Variants in TFCP2L1 observed in about 807,000 individuals in gnomAD.
TFCP2L1 encodes transcription factor CP2-like protein 1.
Under a neutral mutation model 72.2 loss-of-function variants are expected in TFCP2L1, and 12 were observed. The ratio of observed to expected loss-of-function variants is 0.17; its 90% CI spans 0.11 to 0.27. The LOEUF is 0.27. TFCP2L1 is among the 10% of genes least tolerant of loss of function. TFCP2L1 has a pLI of 1.00. For missense variants in TFCP2L1, 488 were observed against 624.6 expected (o/e 0.78, Z 2.33); for synonymous variants, 260 against 251.0 (o/e 1.04, Z -0.34).
At chr2:121,276,148 T>C (rs780386009) in intron 2 of TFCP2L1, among the ~76,000 whole-genome samples, 77 of 152,272 alleles carry the variant, frequency 5.1e-4, no homozygotes, top group Admixed American at 2.9e-3. Flanking sequence ...ACATGTGCCA[T>C]GGTGGTTTGC....
At chr2:121,230,257 T>C (rs12999822) in intron 13 of TFCP2L1, among the ~76,000 whole-genome samples, 100,567 of 151,948 alleles carry the variant, frequency 0.66, 33,759 homozygotes, top group East Asian at 0.74. Flanking sequence ...CTGCAACCTC[T>C]GCCTCCCAGG....
Position 121,246,890 on chromosome 2 carries a change from C to A in TFCP2L1, c.585G>T (p.Thr195=). 1.2e-6 allele frequency: 2 copies of A among 1,614,170 alleles called. No homozygotes were observed. The highest frequency in any genetic ancestry group is 1.7e-6 in the Non-Finnish European group (2 of 1,180,018). ...ACTCCCCATTCTCGTTCTGCTTAAA[C>A]GTGTCAATCTGGACTCGAAAGGGCA... The part of the protein sequence containing the change: ...KGVPFRVQID[T]FKQNENGEYT... The change falls in exon 6 of 15, where the codon ACG becomes ACT. Residue 195 remains threonine, a synonymous_variant. Transcript: ENST00000263707.
At chr2:121,233,420 C>T (rs1404836838) in intron 12 of TFCP2L1, among the ~76,000 whole-genome samples, 3 of 152,280 alleles carry the variant, frequency 2.0e-5, no homozygotes, top group African/African-American at 7.2e-5. Context: ...CCGCCTTGGC[C>T]TCCCAAAGTG....
intron 2 of TFCP2L1, among the ~76,000 whole-genome samples, chr2:121,271,741 C>T (rs1029274689): frequency 4.6e-5 from 7 of 152,166 alleles, no homozygotes; most frequent in African/African-American, 1.2e-4. Flanking sequence ...TGAGGAAACT[C>T]GGGCTCCAAA....
chr2:121,232,709 AGGC>A (rs1686169161), intron 12 of TFCP2L1, among the ~76,000 whole-genome samples: 1 of 152,212 alleles, frequency 6.6e-6, no homozygotes, highest in Admixed American at 6.5e-5. Flanking sequence ...AGAAAGGAGA[AGGC>A]CTGGTCTTTC....
At chr2:121,226,578 G>T (rs1461710774) in intron 13 of TFCP2L1, among the ~76,000 whole-genome samples, 1 of 151,996 alleles carries the variant, frequency 6.6e-6, no homozygotes, top group Non-Finnish European at 1.5e-5. Flanking sequence ...TATAAAGGAG[G>T]GTTCCACTAC....
At chr2:121,246,706 T>G in intron 6 of TFCP2L1, 112 bp downstream of exon 6, 1 of 1,382,914 alleles carries the variant, frequency 7.2e-7, no homozygotes, top group South Asian at 1.3e-5. Context: ...GCTAAAGGGA[T>G]GCTGCGTTCC....
intron 2 of TFCP2L1, among the ~76,000 whole-genome samples, chr2:121,273,745 T>C (rs1687091129): frequency 1.3e-5 from 2 of 152,182 alleles, no homozygotes; most frequent in African/African-American, 2.4e-5. Context: ...ACAAGAATAA[T>C]GCAGTAACTA....
intron 12 of TFCP2L1, among the ~76,000 whole-genome samples, chr2:121,232,440 G>C (rs890282235): frequency 6.6e-6 from 1 of 152,114 alleles, no homozygotes; most frequent in Admixed American, 6.6e-5. Flanking sequence ...CACCCAGCCA[G>C]GCTGCCACTC....
chr2:121,279,473 A>G (rs548838861), intron 2 of TFCP2L1, among the ~76,000 whole-genome samples: 3 of 152,186 alleles, frequency 2.0e-5, no homozygotes, highest in South Asian at 4.1e-4. Context: ...AGCAAGAACA[A>G]CTGAGGCCAG....
intron 2 of TFCP2L1, among the ~76,000 whole-genome samples, chr2:121,260,947 T>C (rs951169348): frequency 2.6e-5 from 4 of 152,192 alleles, no homozygotes; most frequent in Non-Finnish European, 5.9e-5. Context: ...TAAAACATAA[T>C]GGAGGCCATC....
intron 2 of TFCP2L1, among the ~76,000 whole-genome samples, chr2:121,277,047 T>C (rs1022081945): frequency 6.6e-6 from 1 of 151,724 alleles, no homozygotes; most frequent in African/African-American, 2.4e-5. Flanking sequence ...TTGCAAAAAA[T>C]GGGAGCTAAA....
intron 5 of TFCP2L1, 142 bp from the exon 6 acceptor site, chr2:121,247,112 C>T (rs1686504768): frequency 2.1e-6 from 2 of 971,728 alleles, no homozygotes; most frequent in East Asian, 2.6e-5. Flanking sequence ...TTCCCTGACA[C>T]TCTGTCCACT....
At chr2:121,242,092 A>AAAC (rs1202271484) in intron 7 of TFCP2L1, among the ~76,000 whole-genome samples, 4 of 146,316 alleles carry the variant, frequency 2.7e-5, no homozygotes, top group African/African-American at 1.1e-4. Flanking sequence ...TCAAAAAAAA[A>AAAC]AAAAAAAAAA....
At chr2:121,284,730 G>T (rs1466920349) in intron 1 of TFCP2L1, among the ~76,000 whole-genome samples, 1 of 152,202 alleles carries the variant, frequency 6.6e-6, no homozygotes. Flanking sequence ...GGCCGCAGGG[G>T]GCGGACGGGC....
At chr2:121,276,277 C>T (rs1687144891) in intron 2 of TFCP2L1, among the ~76,000 whole-genome samples, 1 of 150,706 alleles carries the variant, frequency 6.6e-6, no homozygotes, top group Non-Finnish European at 1.5e-5. Context: ...CATATATTCT[C>T]ATTGTTCAAC....
intron 13 of TFCP2L1, among the ~76,000 whole-genome samples, chr2:121,229,743 AT>A (rs1472152885): frequency 3.9e-5 from 6 of 152,234 alleles, no homozygotes; most frequent in African/African-American, 1.4e-4. Flanking sequence ...AGGTATATGC[AT>A]CCCTGTTTTG....
chr2:121,273,866 G>A (rs566252844), intron 2 of TFCP2L1, among the ~76,000 whole-genome samples: 3 of 152,246 alleles, frequency 2.0e-5, no homozygotes, highest in African/African-American at 7.2e-5. Flanking sequence ...GCCAAGGCGG[G>A]TGGATCACCT....
At chr2:121,240,593 C>A in intron 7 of TFCP2L1, 1 of 985,430 alleles carries the variant, frequency 1.0e-6, no homozygotes, top group Non-Finnish European at 1.2e-6. Context: ...CTTTCAACTA[C>A]GCTGCACTGT....
Sources: allele counts gnomAD v4.1 joint callset (sites outside exome capture counted in the v4.1 genomes callset), GRCh38; gene constraint gnomAD v4.1.1; transcripts MANE v1.5; gene names NCBI Gene and HGNC (gene_info 2026-07-23, HGNC 2026-07-21).